RASGRP3: variants seen among roughly 807,000 people sequenced by gnomAD.
RASGRP3 encodes the protein ras guanyl-releasing protein 3.
RASGRP3 carries 54 observed loss-of-function variants against 82.7 expected under a neutral mutation model. That is an observed-to-expected ratio of 0.65 (90% confidence interval 0.52 to 0.82). The LOEUF (loss-of-function observed/expected upper bound fraction) is 0.82. Ranked by LOEUF, RASGRP3 falls within the 40% of genes least tolerant of loss-of-function variation. RASGRP3 has a pLI of 0.00. For missense variants in RASGRP3, 861 were observed against 828.9 expected (o/e 1.04, Z -0.48); for synonymous variants, 309 against 300.5 (o/e 1.03, Z -0.29).
At chr2:33,557,540 T>C (rs1371701699) in intron 15 of RASGRP3, among the ~76,000 whole-genome samples, 1 of 151,970 alleles carries the variant, frequency 6.6e-6, no homozygotes, top group Non-Finnish European at 1.5e-5. Flanking sequence ...AAACCCCGTC[T>C]CTACTAAAAA....
At chr2:33,531,421 G>C (rs17650408) in intron 10 of RASGRP3, among the ~76,000 whole-genome samples, 1 of 152,142 alleles carries the variant, frequency 6.6e-6, no homozygotes, top group Non-Finnish European at 1.5e-5. Flanking sequence ...AAGTAGAATC[G>C]TGACTGGGAA....
At chr2:33,484,133 T>C (rs1668166296) in intron 1 of RASGRP3, among the ~76,000 whole-genome samples, 1 of 152,210 alleles carries the variant, frequency 6.6e-6, no homozygotes, top group Admixed American at 6.5e-5. Context: ...TAAATTAACT[T>C]TGGGAAGATA....
At chr2:33,471,844 C>A (rs1200600136), upstream of RASGRP3, among the ~76,000 whole-genome samples, 2 of 152,064 alleles carry the variant, frequency 1.3e-5, no homozygotes, top group African/African-American at 4.8e-5. Context: ...ATCACTGAAA[C>A]CTTCTAAGCA....
intron 1 of RASGRP3, among the ~76,000 whole-genome samples, chr2:33,502,316 G>A (rs1377705741): frequency 6.6e-6 from 1 of 151,902 alleles, no homozygotes; most frequent in Non-Finnish European, 1.5e-5. Context: ...GGGGGTTGGG[G>A]GGTGTAGATA....
At chr2:33,558,454 T>C in intron 16 of RASGRP3, 118 bp downstream of exon 16, 2 of 1,468,970 alleles carry the variant, frequency 1.4e-6, no homozygotes, top group Non-Finnish European at 1.8e-6. Context: ...TAAGGCCTTC[T>C]TTAGGGTGAG....
At chr2:33,547,811 G>T (rs1327772594) in intron 13 of RASGRP3, among the ~76,000 whole-genome samples, 2 of 152,124 alleles carry the variant, frequency 1.3e-5, no homozygotes, top group African/African-American at 2.4e-5. Context: ...AGAGGGCCCT[G>T]CAGGTGAGCT....
intron 10 of RASGRP3, among the ~76,000 whole-genome samples, chr2:33,529,304 C>G (rs963784968): frequency 6.6e-6 from 1 of 151,384 alleles, no homozygotes; most frequent in African/African-American, 2.4e-5. Flanking sequence ...ACCATCCTGG[C>G]TAACACGGTG....
chr2:33,532,079 C>G (rs1673153077), intron 10 of RASGRP3: 1 of 152,220 alleles, frequency 6.6e-6, no homozygotes, highest in South Asian at 2.1e-4. Context: ...GTGCTGCCCA[C>G]TTTCATGAGG....
In RASGRP3 at chr2:33,548,278, G is replaced by C. The variant is rs1311436836; in HGVS notation, c.1395-1326G>C. Among the ~76,000 whole-genome samples the C allele has an allele frequency of 1.3e-5, 2 of 149,054 alleles. 1 individual carries two copies. Among genetic ancestry groups the C allele is most frequent in the South Asian group, 4.3e-4 (2 of 4,634 alleles). On this transcript the variant is annotated intron_variant, in intron 13 of 17. Coordinates refer to ENST00000403687, the MANE Select transcript of RASGRP3 (RefSeq NM_001139488.2). ...CGGGAGGCTGAGGCAGGAGAATGGC[G>C]TGAACCTGGGAGGCGGAGCTTGCAG...
At chr2:33,543,034 G>T (rs1351062882) in intron 12 of RASGRP3, among the ~76,000 whole-genome samples, 1 of 151,922 alleles carries the variant, frequency 6.6e-6, no homozygotes, top group Non-Finnish European at 1.5e-5. Context: ...ATTTTTTAGA[G>T]ATGATGCCTT....
chr2:33,540,561 TGTGTGTGTGTGTG>T (rs543242269), intron 12 of RASGRP3, among the ~76,000 whole-genome samples: 9,545 of 117,782 alleles, frequency 0.081, 1,398 homozygotes, highest in African/African-American at 0.26. Context: ...GTGTTTTGTG[TGTGTGTGTGTGTG>T]TGTGTGTGTG....
intron 2 of RASGRP3, among the ~76,000 whole-genome samples, chr2:33,461,132 T>A (rs184783735): frequency 1.2e-3 from 185 of 152,328 alleles, no homozygotes; most frequent in African/African-American, 4.3e-3. Flanking sequence ...TCCAATCCCT[T>A]GCCTCTCAAT....
At chr2:33,449,266 C>T (rs1665659339) in intron 2 of RASGRP3, among the ~76,000 whole-genome samples, 2 of 152,208 alleles carry the variant, frequency 1.3e-5, no homozygotes, top group African/African-American at 2.4e-5. Context: ...ACAAAGTATG[C>T]AGAGTTACCT....
At chr2:33,471,516 C>T (rs976423672) in intron 2 of RASGRP3, among the ~76,000 whole-genome samples, 13 of 151,772 alleles carry the variant, frequency 8.6e-5, no homozygotes, top group South Asian at 4.2e-4. Flanking sequence ...CCTATGTTTA[C>T]GTATGAAGTT....
chr2:33,516,498 A>G, intron 3 of RASGRP3, 44 bp from the exon 4 acceptor site: 2 of 1,324,974 alleles, frequency 1.5e-6, no homozygotes, highest in Middle Eastern at 2.0e-4. Flanking sequence ...AAAGTAAAGA[A>G]TAGCACTATT....
intron 9 of RASGRP3, 142 bp downstream of exon 9, chr2:33,524,690 G>T (rs1228137663): frequency 3.2e-6 from 2 of 627,552 alleles, no homozygotes; most frequent in East Asian, 2.9e-5. Flanking sequence ...GGACAAAGTA[G>T]AAAGGGAATA....
chr2:33,549,525 A>C (rs1675167433), intron 13 of RASGRP3, 79 bp from the exon 14 acceptor site: 1 of 1,381,064 alleles, frequency 7.2e-7, no homozygotes, highest in African/African-American at 1.4e-5. Context: ...AAGGTTTGGG[A>C]GGTGGGTGAT....
intron 1 of RASGRP3, among the ~76,000 whole-genome samples, chr2:33,447,177 A>G (rs962081080): frequency 3.9e-5 from 6 of 152,032 alleles, no homozygotes; most frequent in African/African-American, 1.4e-4. Context: ...GGGAAGGTCA[A>G]GAAATCTGGG....
chr2:33,459,821 T>A (rs1281835876), intron 2 of RASGRP3, among the ~76,000 whole-genome samples: 7 of 152,168 alleles, frequency 4.6e-5, no homozygotes, highest in African/African-American at 1.7e-4. Flanking sequence ...GGCCTTATCC[T>A]CTGGTGTTGA....
Sources: gnomAD v4.1 joint callset for allele counts (sites outside exome capture counted in the v4.1 genomes callset) on GRCh38, gnomAD v4.1.1 for gene constraint, MANE v1.5 for transcripts, NCBI Gene and HGNC (gene_info 2026-07-23, HGNC 2026-07-21) for gene names.